PNPLA7: variants seen among roughly 807,000 people sequenced by gnomAD.
The protein encoded by PNPLA7 is patatin-like phospholipase domain-containing protein 7.
PNPLA7 carries 153 observed loss-of-function variants against 161.7 expected under a neutral mutation model. That is an observed-to-expected ratio of 0.95 (90% CI 0.83 to 1.08). The LOEUF (loss-of-function observed/expected upper bound fraction) is 1.08. PNPLA7 is among the 50% of genes least tolerant of loss of function. The pLI, the probability that PNPLA7 is intolerant of heterozygous loss-of-function variation, is 0.00. For synonymous variants in PNPLA7, 809 were observed against 782.1 expected (o/e 1.03, Z -0.57); for missense variants, 1,739 against 1,856.6 (o/e 0.94, Z 1.16).
intron 19 of PNPLA7, 101 bp from the exon 20 acceptor site, chr9:137,493,183 C>T (rs1479593468): frequency 1.1e-5 from 13 of 1,236,964 alleles, no homozygotes; most frequent in African/African-American, 5.9e-5. Context: ...CAGCCAATGG[C>T]GCTGGATCTG....
chr9:137,497,474 G>A (rs1833127348), intron 17 of PNPLA7, among the ~76,000 whole-genome samples, 164 bp from the exon 18 acceptor site: 2 of 152,348 alleles, frequency 1.3e-5, no homozygotes, highest in Non-Finnish European at 2.9e-5. Flanking sequence ...AAATATTTAT[G>A]TTAACAGGCC....
rs563859069 is a variant in PNPLA7, at chr9:137,460,421, G to C, written c.4001C>G (p.Ser1334Cys). 4.5e-5 allele frequency: 73 copies of C among 1,612,692 alleles called. No homozygotes were observed. In the Middle Eastern group the frequency reaches 2.5e-3, roughly 55 times the overall value. ...CCCGTCCTGGTCAGAGGAGCCCTCAGACAGTTTTGGGAAAGCCAGACTGGG... is the reference window on the plus strand; with the variant it reads ...CCCGTCCTGGTCAGAGGAGCCCTCACACAGTTTTGGGAAAGCCAGACTGGG... ...RHPSLAFPKL[S>C]EGSSDQDG Residue 1334 changes from serine to cysteine, a missense_variant, in exon 35 of 35, where the codon TCT becomes TGT. Coordinates refer to ENST00000406427, the MANE Select transcript of PNPLA7 (RefSeq NM_001098537.3).
At chr9:137,472,561 G>A (rs969690970) in intron 25 of PNPLA7, among the ~76,000 whole-genome samples, 1 of 147,612 alleles carries the variant, frequency 6.8e-6, no homozygotes, top group Non-Finnish European at 1.5e-5. Flanking sequence ...TGAGGCAGGA[G>A]AATCACTTGA....
chr9:137,484,725 C>A lies in PNPLA7; in HGVS notation c.2209G>T (p.Gly737Trp). 1 of 1,609,296 alleles carries A rather than the reference C, an allele frequency of 6.2e-7. No homozygotes were observed. The highest frequency in any genetic ancestry group is 2.2e-5 in the East Asian group (1 of 44,700). ...CACTTGCTGCCCTCCGTGGGGAGCC[C>A]AAGCTGGTGGCCTGTGGAGCAAAGG... The part of the protein sequence containing the change: ...QQGPVTGHQL[G>W]LPTEGSKWDL... Residue 737 changes from glycine (G) to tryptophan (W), a missense_variant, in exon 21 of 35, where the codon GGG (glycine) becomes TGG (tryptophan). Around this residue, in one of 6 missense-constraint regions of PNPLA7, gnomAD observed 192 missense variants for 249.5 expected, o/e 0.77. Transcript: ENST00000406427.
rs1832729737 is a variant in PNPLA7, at chr9:137,490,871, A to G, written c.2197+2142T>C. ...AGTTTGACAAAATTACAGAGGTAAT[A>G]GTTAAGACAACCACATCATAAAGGG... On this transcript the variant is annotated intron_variant, in intron 20 of 34. Transcript: ENST00000406427. The surrounding 1 kb of genome is among the most constrained non-coding windows in gnomAD (Gnocchi z 4.1). 2.0e-5 allele frequency among the ~76,000 whole-genome samples: 3 copies of G among 152,260 alleles called. No homozygotes were observed.
intron 30 of PNPLA7, 76 bp downstream of exon 30, chr9:137,462,609 T>C (rs1234968874): frequency 6.4e-7 from 1 of 1,550,590 alleles, no homozygotes; most frequent in Non-Finnish European, 8.7e-7. Context: ...CGACCCCCAC[T>C]CCCCTGCCGC....
chr9:137,475,010 C>CAAAAAAAAAAAAAAAAAAAAAAAAAAAA (rs58417100), intron 25 of PNPLA7, among the ~76,000 whole-genome samples: 7 of 63,616 alleles, frequency 1.1e-4, no homozygotes, highest in African/African-American at 4.8e-4. Flanking sequence ...GACTCTGCCT[C>CAAAAAAAAAAAAAAAAAAAAAAAAAAAA]AAAAAAAAAA....
chr9:137,539,944 C>T (rs762705918), intron 8 of PNPLA7, among the ~76,000 whole-genome samples: 2 of 152,148 alleles, frequency 1.3e-5, no homozygotes, highest in Non-Finnish European at 2.9e-5. Context: ...TGCCCCTACA[C>T]CCAGTTAATT....
At position 137,481,026 on chromosome 9, in the gene PNPLA7, G is replaced by A; in HGVS notation, c.2348-3C>T. 4 of 1,551,668 alleles carry A rather than the reference G, an allele frequency of 2.6e-6. No homozygotes were observed. Among genetic ancestry groups the A allele is most frequent in the South Asian group, 2.4e-5 (2 of 84,062 alleles). The stretch of plus-strand genomic sequence containing the variant: ...ACTAGTCAGCAGCAGGGTCGGGCCT[G>A]AAAACACCACCACCAGTAACGGAGC... On this transcript the variant is annotated splice_polypyrimidine_tract_variant and splice_region_variant and intron_variant, in intron 21 of 34. Transcript: ENST00000406427.
In PNPLA7 at chr9:137,500,302, C is replaced by T. The variant is rs886898598; in HGVS notation, c.1757+389G>A. ...CTGGCTCCCGACACGTCAGCCCAGG[C>T]TGCAGAGGTGGGACGGCTCACGGCC... On this transcript the variant is annotated intron_variant, in intron 16 of 34. Coordinates refer to ENST00000406427, the MANE Select transcript of PNPLA7 (RefSeq NM_001098537.3). The surrounding 1 kb of genome is among the most constrained non-coding windows in gnomAD (Gnocchi z 5.5). 6.6e-6 allele frequency among the ~76,000 whole-genome samples: 1 copy of T among 152,208 alleles called. No individual in the cohort carries two copies. Among genetic ancestry groups the T allele is most frequent in the Non-Finnish European group, 1.5e-5 (1 of 68,042 alleles).
Position 137,547,773 on chromosome 9 carries a change from C to G in PNPLA7, c.31-114G>C, listed in dbSNP as rs1449436928. On this transcript the variant is annotated intron_variant, in intron 1 of 34. Transcript: ENST00000406427. The surrounding 1 kb of genome is among the most constrained non-coding windows in gnomAD (Gnocchi z 4.6). ...GGGGAGAAGTCAGCAGCCCTGGAGA[C>G]TTCTGGGAAGAAGTGATCTCGCCCG... The G allele has an allele frequency of 9.8e-7, 1 of 1,024,094 alleles. No homozygotes were observed. Among genetic ancestry groups the G allele is most frequent in the Non-Finnish European group, 1.5e-6 (1 of 658,552 alleles). 63.4% of individuals were successfully genotyped at this position (1,024,094 alleles called of 1,614,324 possible). A position where few individuals can be genotyped will look rare whatever the true frequency, so the allele number is the denominator to read the frequency against.
chr9:137,517,846 A>C (rs1484166027), intron 11 of PNPLA7, among the ~76,000 whole-genome samples: 10 of 14,148 alleles, frequency 7.1e-4, no homozygotes, highest in East Asian at 2.3e-3. Flanking sequence ...ACTCCATCCC[A>C]CACTCACTCA....
intron 19 of PNPLA7, among the ~76,000 whole-genome samples, chr9:137,494,113 C>G (rs887459211): frequency 1.3e-5 from 2 of 152,170 alleles, no homozygotes; most frequent in African/African-American, 4.8e-5. Flanking sequence ...ACCTGCACCC[C>G]CTTTCCATTT....
chr9:137,506,116 C>T (rs758295166), intron 12 of PNPLA7, 33 bp from the exon 13 acceptor site: 95 of 1,572,480 alleles, frequency 6.0e-5, no homozygotes, highest in South Asian at 1.7e-4. Flanking sequence ...GGACACGGTT[C>T]GCTAGGCCAC....
intron 25 of PNPLA7, among the ~76,000 whole-genome samples, chr9:137,469,014 A>G (rs1442020214): frequency 6.6e-6 from 1 of 152,234 alleles, no homozygotes; most frequent in African/African-American, 2.4e-5. Flanking sequence ...ATTGCACTCC[A>G]GCCTGGGCAA....
rs1406466798 is a variant in PNPLA7 at position 137,463,411 on chromosome 9, G to A, written c.3343+4C>T. The A allele has an allele frequency of 6.3e-7, 1 of 1,599,948 alleles. No individual in the cohort carries two copies. The highest frequency in any genetic ancestry group is 2.3e-5 in the East Asian group (1 of 44,252). ...TGCCGGGCGTGGTCCCCCCACCGCA[G>A]TACCTGGGAGGTTGTTGATGTAGCC... On this transcript the variant is annotated splice_donor_region_variant and intron_variant, in intron 29 of 34. Transcript: ENST00000406427.
chr9:137,546,691 GC>G, intron 4 of PNPLA7, 138 bp downstream of exon 4: 1 of 700,670 alleles, frequency 1.4e-6, no homozygotes, highest in Non-Finnish European at 2.4e-6. Flanking sequence ...GAGCCTGGTG[GC>G]AGAGCTGGGA....
chr9:137,477,172 G>A (rs147537588), intron 25 of PNPLA7, among the ~76,000 whole-genome samples: 1 of 152,350 alleles, frequency 6.6e-6, no homozygotes, highest in East Asian at 1.9e-4. Context: ...TACGCACCTG[G>A]CTCAGCAGAG....
At chr9:137,546,264 C>T (rs114468130) in intron 4 of PNPLA7, among the ~76,000 whole-genome samples, 2,122 of 152,210 alleles carry the variant, frequency 0.014, 43 homozygotes, top group African/African-American at 0.047. Flanking sequence ...ACGTGAACCA[C>T]GGGACCTTAC....
Sources: allele counts gnomAD v4.1 joint callset (sites outside exome capture counted in the v4.1 genomes callset), GRCh38; gene constraint gnomAD v4.1.1; regional missense constraint gnomAD v4.1.1; non-coding constraint Gnocchi (gnomAD v3.1); transcripts MANE v1.5; gene names NCBI Gene and HGNC (gene_info 2026-07-23, HGNC 2026-07-21).